Variants in EVC observed in about 807,000 individuals in gnomAD.
EVC encodes EvC ciliary complex subunit 1, also known as evC complex member EVC.
In EVC, 116 loss-of-function variants were observed where a neutral mutation model predicts 118.9. That is an observed-to-expected ratio of 0.98 (90% CI 0.84 to 1.14). The LOEUF (loss-of-function observed/expected upper bound fraction) is 1.14, where lower values mean the gene tolerates loss of function less well. Ranked by LOEUF, EVC falls within the 50% of genes most tolerant of loss-of-function variation. EVC has a pLI of 0.00. For missense variants in EVC, 1,401 were observed against 1,246.4 expected, an observed-to-expected ratio of 1.12 and a Z score of -1.87; for synonymous variants, 619 against 534.7, an observed-to-expected ratio of 1.16 and a Z score of -2.18.
rs748900719 is a variant in EVC at position 5,814,278 on chromosome 4, C to T, written c.*3241C>T. On this transcript the variant is annotated 3_prime_UTR_variant, in exon 21 of 21. Transcript: ENST00000264956. ...ATGAGAGATGATGTATTATGATGAA[C>T]TCATGATTTAATTCTTTGGTGAAAA... 6.6e-6 allele frequency: 1 copy of T among 152,388 alleles called. No individual in the cohort carries two copies. Among genetic ancestry groups the T allele is most frequent in the Middle Eastern group, 3.4e-3 (1 of 294 alleles). The allele number at this position is 152,388 out of a possible 1,614,324, so 9.4% of individuals were successfully genotyped here.
At chr4:5,801,154 G>A (rs1003305826) in intron 15 of EVC, among the ~76,000 whole-genome samples, 1 of 152,186 alleles carries the variant, frequency 6.6e-6, no homozygotes, top group African/African-American at 2.4e-5. Flanking sequence ...AGAAATAGAA[G>A]TTACCCCATA....
rs1732432736 is a variant in EVC at position 5,763,752 on chromosome 4, G to A, written c.1563+7390G>A. On this transcript the variant is annotated intron_variant, in intron 11 of 20. Coordinates refer to ENST00000264956, the MANE Select transcript of EVC (RefSeq NM_153717.3). ...CTTGTGATTTTTGTACATTGATTTT[G>A]TATCCTGAGACTTTGCTGAAGTTGC... is the stretch of plus-strand genomic sequence containing the variant. Among the ~76,000 whole-genome samples, 3 of 113,884 alleles carry A rather than the reference G, an allele frequency of 2.6e-5. No homozygotes were observed. In the Admixed American group the frequency reaches 2.8e-4, roughly 11 times the overall value. The allele number at this position is 113,884 out of a possible 152,430, so 74.7% of individuals were successfully genotyped here. A position where few individuals can be genotyped will look rare whatever the true frequency, so the allele number is the denominator to read the frequency against.
intron 13 of EVC, among the ~76,000 whole-genome samples, chr4:5,795,273 C>G (rs1713731335): frequency 6.6e-6 from 1 of 151,906 alleles, no homozygotes; most frequent in Non-Finnish European, 1.5e-5. Flanking sequence ...TTTTAGTTGC[C>G]CAGCCCTTTG....
At chr4:5,825,173 A>G in the EVC span, 1 of 985,370 alleles carries the variant, frequency 1.0e-6, no homozygotes, top group Non-Finnish European at 1.2e-6. The surrounding 1 kb of genome is among the most constrained non-coding windows in gnomAD (Gnocchi z 4.4). Flanking sequence ...CCACCACTCC[A>G]TGTTTACTTT....
chr4:5,724,658 G>A (rs529669971), intron 2 of EVC, among the ~76,000 whole-genome samples: 1 of 151,718 alleles, frequency 6.6e-6, no homozygotes, highest in South Asian at 2.1e-4. Context: ...CAGGGTCCTT[G>A]GAAGCTTGGG....
intron 9 of EVC, 58 bp downstream of exon 9, chr4:5,753,110 C>T (rs2152077255): frequency 6.7e-7 from 1 of 1,484,558 alleles, no homozygotes; most frequent in African/African-American, 1.4e-5. Context: ...GTCCCTGGGG[C>T]TGTGCAGTGA....
rs1560317344 is a variant in EVC, at chr4:5,742,467, C to A, written c.801+653C>A. Among the ~76,000 whole-genome samples the A allele has an allele frequency of 6.6e-6, 1 of 152,284 alleles. No homozygotes were observed. The highest frequency in any genetic ancestry group is 6.5e-5 in the Admixed American group (1 of 15,294). ...CCAGTTTTATTTTGTATCACCATCA[C>A]CACCACTATTACTATCACAGTTCTC... is the stretch of plus-strand genomic sequence containing the variant. On this transcript the variant is annotated intron_variant, in intron 6 of 20. Coordinates refer to ENST00000264956, the MANE Select transcript of EVC (RefSeq NM_153717.3). The surrounding 1 kb of genome is among the most constrained non-coding windows in gnomAD (Gnocchi z 5.2).
At chr4:5,753,707 A>AG (rs1220482619) in intron 9 of EVC, 78 bp from the exon 10 acceptor site, 172 of 1,580,064 alleles carry the variant, frequency 1.1e-4, no homozygotes, top group Non-Finnish European at 1.5e-4. Context: ...ACCTCCAGAC[A>AG]GGAGAAAGCA....
Position 5,719,383 on chromosome 4 carries a change from G to C in EVC, c.300+10G>C, listed in dbSNP as rs765963247. 5.6e-6 allele frequency: 9 copies of C among 1,614,130 alleles called. No individual in the cohort carries two copies. In the South Asian group the frequency reaches 8.8e-5, roughly 16 times the overall value. On this transcript the variant is annotated intron_variant, in intron 2 of 20. Transcript: ENST00000264956. The surrounding 1 kb of genome is among the most constrained non-coding windows in gnomAD (Gnocchi z 4.7). ...CAAGGAAGCTGTTGATGTAAGCTTG[G>C]TGTTGATGTTTGTTTGTGGAGGCAC...
In EVC at chr4:5,745,308, G is replaced by A. The variant is rs368231289; in HGVS notation, c.906G>A (p.Lys302=). The change falls in exon 7 of 21, where the codon AAG becomes AAA. Residue 302 remains lysine (K), a synonymous_variant. Coordinates refer to ENST00000264956, the MANE Select transcript of EVC (RefSeq NM_153717.3). ...EYITLADVEK[K]EREYSEQLID... is the part of the protein sequence containing the mutation. ...TCACCCTGGCTGATGTGGAAAAGAAGGAGAGAGAATACTCTGAACAGCTAA... is the reference window on the plus strand; with the variant it reads ...TCACCCTGGCTGATGTGGAAAAGAAAGAGAGAGAATACTCTGAACAGCTAA... The A allele has an allele frequency of 6.8e-6, 11 of 1,613,894 alleles. No individual in the cohort carries two copies. The highest frequency in any genetic ancestry group is 6.7e-5 in the Admixed American group (4 of 59,994).
chr4:5,797,055 G>T lies in EVC; in HGVS notation c.1920G>T (p.Leu640=). Residue 640 remains leucine (L), a synonymous_variant, in exon 14 of 21, where the codon CTG becomes CTT. Coordinates refer to ENST00000264956, the MANE Select transcript of EVC (RefSeq NM_153717.3). ...GGTGTGTCCTGCAGGGGCATGACCT[G>T]CTGTTGCGCTCAGCCCTCCGGAGGC... ...STRCVLQGHD[L]LLRSALRRLA... is the part of the protein sequence containing the mutation. 1 of 1,613,396 alleles carries T rather than the reference G, an allele frequency of 6.2e-7. No homozygotes were observed. Among genetic ancestry groups the T allele is most frequent in the South Asian group, 1.1e-5 (1 of 91,088 alleles).
chr4:5,780,195 C>G (rs1306524904), intron 11 of EVC, among the ~76,000 whole-genome samples: 1 of 152,156 alleles, frequency 6.6e-6, no homozygotes, highest in Non-Finnish European at 1.5e-5. Context: ...ATGAAGCAAA[C>G]CGAATCCAGC....
At chr4:5,744,363 C>A (rs969599347) in intron 6 of EVC, among the ~76,000 whole-genome samples, 1 of 152,102 alleles carries the variant, frequency 6.6e-6, no homozygotes, top group African/African-American at 2.4e-5. Context: ...TGTTATTTTT[C>A]CTAGTGAACC....
At chr4:5,821,834 T>C in the EVC span, 97 of 1,593,338 alleles carry the variant, frequency 6.1e-5, no homozygotes, top group Non-Finnish European at 7.6e-5. This position sits in a 1 kb window ranked among gnomAD's most constrained non-coding sequence, Gnocchi z 4.4. Context: ...CTGGGATTGT[T>C]GTCATCTATC....
At chr4:5,788,423 C>A (rs1189711033) in intron 12 of EVC, among the ~76,000 whole-genome samples, 1 of 152,152 alleles carries the variant, frequency 6.6e-6, no homozygotes, top group Admixed American at 6.5e-5. Flanking sequence ...CCAACAGCTT[C>A]CAAATTTACA....
chr4:5,740,482 AAAAAAG>A (rs917763980), intron 5 of EVC, among the ~76,000 whole-genome samples: 2 of 151,292 alleles, frequency 1.3e-5, no homozygotes, highest in African/African-American at 2.4e-5. Flanking sequence ...AAAAAAAAAA[AAAAAAG>A]AAAAAGAAAA....
intron 1 of EVC, among the ~76,000 whole-genome samples, chr4:5,715,991 C>G (rs1443083447): frequency 1.3e-5 from 2 of 152,308 alleles, no homozygotes; most frequent in Admixed American, 6.5e-5. Flanking sequence ...ATCCACCTGC[C>G]TCGGCCTCCC....
intron 7 of EVC, 126 bp downstream of exon 7, chr4:5,745,467 A>G: frequency 1.0e-6 from 1 of 979,142 alleles, no homozygotes; most frequent in South Asian, 1.4e-5. Context: ...ATTCTGCCCT[A>G]GAGGCAGGAT....
chr4:5,815,703 A>T (rs1717561947), downstream of EVC, among the ~76,000 whole-genome samples: 1 of 152,072 alleles, frequency 6.6e-6, no homozygotes, highest in Middle Eastern at 3.2e-3. Flanking sequence ...GGGAGATGGG[A>T]TTATTCTCCC....
Sources: allele counts gnomAD v4.1 joint callset (sites outside exome capture counted in the v4.1 genomes callset), GRCh38; gene constraint gnomAD v4.1.1; non-coding constraint Gnocchi (gnomAD v3.1); transcripts MANE v1.5; gene names NCBI Gene and HGNC (gene_info 2026-07-23, HGNC 2026-07-21).